The following PHACTR1 variants were observed in gnomAD, a reference collection of about 807,000 sequenced individuals.
PHACTR1 encodes phosphatase and actin regulator 1.
In PHACTR1, 16 loss-of-function variants were observed where a neutral mutation model predicts 69.2. That is an observed-to-expected ratio of 0.23 (90% CI 0.16 to 0.35). The LOEUF is 0.35. Among genes scored for constraint, PHACTR1 ranks in the 10% least tolerant of loss-of-function variants. The pLI, the probability that PHACTR1 is intolerant of heterozygous loss-of-function variation, is 1.00. For missense variants in PHACTR1, 510 were observed against 734.7 expected (o/e 0.69, Z 3.54); for synonymous variants, 312 against 284.5 (o/e 1.10, Z -0.97).
chr6:12,850,087 T>G (rs1201260932), intron 4 of PHACTR1, among the ~76,000 whole-genome samples: 1 of 152,248 alleles, frequency 6.6e-6, no homozygotes, highest in Non-Finnish European at 1.5e-5. Context: ...GGTATTTGAC[T>G]GCATGGACTG....
chr6:12,791,935 T>G (rs1228021602), intron 4 of PHACTR1, among the ~76,000 whole-genome samples: 1 of 152,070 alleles, frequency 6.6e-6, no homozygotes, highest in Non-Finnish European at 1.5e-5. Flanking sequence ...TTAAGAGTCA[T>G]GGAGGAAAAT....
At chr6:12,733,008 T>C (rs1763749830) in intron 3 of PHACTR1, among the ~76,000 whole-genome samples, 1 of 152,194 alleles carries the variant, frequency 6.6e-6, no homozygotes, top group Non-Finnish European at 1.5e-5. Context: ...AGAATGCAAA[T>C]AAAATATCTA....
chr6:12,978,165 C>T (rs1430274339), intron 4 of PHACTR1, among the ~76,000 whole-genome samples: 1 of 152,080 alleles, frequency 6.6e-6, no homozygotes, highest in Non-Finnish European at 1.5e-5. Context: ...TTGGCTAGGC[C>T]CCTGAGTACC....
intron 4 of PHACTR1, among the ~76,000 whole-genome samples, chr6:12,940,674 G>A (rs1001333166): frequency 2.6e-5 from 4 of 152,162 alleles, no homozygotes; most frequent in African/African-American, 9.7e-5. Context: ...GCTTTGACAT[G>A]GGTAAAGCAA....
intron 10 of PHACTR1, among the ~76,000 whole-genome samples, chr6:13,242,512 G>A (rs1772998072): frequency 6.6e-6 from 1 of 152,166 alleles, no homozygotes; most frequent in African/African-American, 2.4e-5. Flanking sequence ...CATCTGAATG[G>A]AGCATATCAC....
intron 4 of PHACTR1, among the ~76,000 whole-genome samples, chr6:12,821,693 A>C (rs1776244570): frequency 6.6e-6 from 1 of 152,218 alleles, no homozygotes; most frequent in Non-Finnish European, 1.5e-5. Context: ...AAACGATAAT[A>C]TATGTTATCC....
intron 4 of PHACTR1, among the ~76,000 whole-genome samples, chr6:12,929,288 C>A (rs1314973187): frequency 6.6e-6 from 1 of 152,112 alleles, no homozygotes; most frequent in Admixed American, 6.6e-5. Context: ...GCTTCTCCTG[C>A]CCTAACCTAC....
intron 4 of PHACTR1, among the ~76,000 whole-genome samples, chr6:12,848,996 C>G (rs1223646449): frequency 6.6e-6 from 1 of 151,646 alleles, no homozygotes; most frequent in Non-Finnish European, 1.5e-5. Context: ...TCTTGAATTT[C>G]AAAGACAGGC....
At chr6:12,995,420 A>G (rs1797311304) in intron 4 of PHACTR1, among the ~76,000 whole-genome samples, 1 of 151,884 alleles carries the variant, frequency 6.6e-6, no homozygotes, top group Admixed American at 6.6e-5. Context: ...CTCAAAGTAG[A>G]AAAAAAACAT....
intron 5 of PHACTR1, among the ~76,000 whole-genome samples, chr6:13,131,427 G>A (rs192431408): frequency 3.5e-4 from 53 of 152,168 alleles, no homozygotes; most frequent in Middle Eastern, 3.4e-3. Flanking sequence ...ATGATATAAT[G>A]GACTTTGGGG....
At chr6:13,004,994 C>T (rs934862900) in intron 4 of PHACTR1, among the ~76,000 whole-genome samples, 5 of 151,456 alleles carry the variant, frequency 3.3e-5, no homozygotes, top group African/African-American at 4.8e-5. Context: ...ATTTCTTATT[C>T]TTTAAATATA....
chr6:13,242,445 G>A (rs1772990596), intron 10 of PHACTR1, among the ~76,000 whole-genome samples: 1 of 152,168 alleles, frequency 6.6e-6, no homozygotes, highest in African/African-American at 2.4e-5. Context: ...ACAGCTATAA[G>A]AGACTTGATT....
chr6:12,750,152 G>C (rs1207817921), intron 4 of PHACTR1, among the ~76,000 whole-genome samples: 1 of 152,190 alleles, frequency 6.6e-6, no homozygotes, highest in Non-Finnish European at 1.5e-5. Context: ...TGGCTGGCGC[G>C]GCTACTACGG....
chr6:12,727,168 C>A (rs1375001189), intron 3 of PHACTR1, among the ~76,000 whole-genome samples: 1 of 152,188 alleles, frequency 6.6e-6, no homozygotes, highest in Non-Finnish European at 1.5e-5. Context: ...TTTCAGACCT[C>A]TAATTGCTCA....
chr6:12,842,552 T>C (rs949618863), intron 4 of PHACTR1, among the ~76,000 whole-genome samples: 12 of 152,232 alleles, frequency 7.9e-5, no homozygotes, highest in African/African-American at 2.7e-4. Flanking sequence ...TTTATTTTTA[T>C]TTTGAGACAC....
intron 6 of PHACTR1, among the ~76,000 whole-genome samples, chr6:13,162,967 C>T (rs181838495): frequency 1.0e-3 from 156 of 152,284 alleles, no homozygotes; most frequent in Admixed American, 6.3e-3. Flanking sequence ...GGCTGCGGGC[C>T]GGGCTCGGTG....
chr6:12,957,416 C>T (rs1293317399), intron 4 of PHACTR1: 1 of 985,268 alleles, frequency 1.0e-6, no homozygotes, highest in Non-Finnish European at 1.2e-6. Flanking sequence ...TGGTTTGGAT[C>T]CCCGGGTTAC....
chr6:12,829,591 T>C (rs1044114120), intron 4 of PHACTR1, among the ~76,000 whole-genome samples: 54 of 152,226 alleles, frequency 3.5e-4, no homozygotes, highest in African/African-American at 1.3e-3. Flanking sequence ...CTCTTTAAAA[T>C]AGCCCAGAAG....
chr6:12,888,912 G>C (rs771151653), intron 4 of PHACTR1, among the ~76,000 whole-genome samples: 2 of 152,194 alleles, frequency 1.3e-5, no homozygotes, highest in Non-Finnish European at 2.9e-5. Flanking sequence ...TTTCTTCTTT[G>C]ATGAAATGTA....
Sources: allele counts gnomAD v4.1 joint callset (sites outside exome capture counted in the v4.1 genomes callset), GRCh38; gene constraint gnomAD v4.1.1; transcripts MANE v1.5; gene names NCBI Gene and HGNC (gene_info 2026-07-23, HGNC 2026-07-21).